RAI1: variants seen among roughly 807,000 people sequenced by gnomAD.
RAI1 encodes the protein retinoic acid-induced protein 1.
A neutral mutation model predicts 123.8 loss-of-function variants in RAI1; 9 were observed. That is an observed-to-expected ratio of 0.07 (90% CI 0.04 to 0.13). The LOEUF (loss-of-function observed/expected upper bound fraction) is 0.13, where lower values mean the gene tolerates loss of function less well. Among genes scored for constraint, RAI1 ranks in the 10% least tolerant of loss-of-function variants. The pLI, the probability that RAI1 is intolerant of heterozygous loss-of-function variation, is 1.00. For missense variants in RAI1, 2,256 were observed against 2,545.8 expected, an observed-to-expected ratio of 0.89 and a Z score of 2.45; for synonymous variants, 1,231 against 1,127.3, an observed-to-expected ratio of 1.09 and a Z score of -1.84.
chr17:17,742,838 G>A (rs1916689675), intron 2 of RAI1, among the ~76,000 whole-genome samples: 1 of 152,176 alleles, frequency 6.6e-6, no homozygotes, highest in Non-Finnish European at 1.5e-5. Context: ...CCTGTCCCCA[G>A]TGAGATCTGG....
chr17:17,682,949 G>A (rs1195103179), intron 1 of RAI1, among the ~76,000 whole-genome samples: 2 of 152,126 alleles, frequency 1.3e-5, no homozygotes, highest in African/African-American at 2.4e-5. Context: ...GAATGGCGGA[G>A]CCGGCCGGGC....
intron 2 of RAI1, among the ~76,000 whole-genome samples, chr17:17,750,282 T>C (rs1239411703): frequency 2.0e-5 from 3 of 152,374 alleles, no homozygotes; most frequent in Non-Finnish European, 2.9e-5. Flanking sequence ...TACCGAGTCC[T>C]TGTCACTATA....
rs2032464242 is a variant in RAI1, at chr17:17,801,617, C to G, written c.5566-2139C>G. 6.6e-6 allele frequency among the ~76,000 whole-genome samples: 1 copy of G among 152,204 alleles called. No individual in the cohort carries two copies. The highest frequency in any genetic ancestry group is 1.5e-5 in the Non-Finnish European group (1 of 68,036). On this transcript the variant is annotated intron_variant, in intron 3 of 5. Transcript: ENST00000353383. The surrounding 1 kb of genome is among the most constrained non-coding windows in gnomAD (Gnocchi z 4.1). ...GACTCCAGATCTCCAGGAGGCCATC[C>G]CAGACTAGGCGGGAAGGAGGCCTCA...
intron 2 of RAI1, chr17:17,777,205 G>A (rs944968229): frequency 6.6e-6 from 1 of 152,134 alleles, no homozygotes; most frequent in Admixed American, 6.5e-5. Flanking sequence ...ATTTGCATTT[G>A]GGTCCATATT....
rs1411981783 is a variant in RAI1 at position 17,797,309 on chromosome 17, G to T, written c.4361G>T (p.Gly1454Val). 1.9e-6 allele frequency: 3 copies of T among 1,612,596 alleles called. No individual in the cohort carries two copies. Among genetic ancestry groups the T allele is most frequent in the Non-Finnish European group, 2.5e-6 (3 of 1,179,918 alleles). Residue 1454 changes from glycine (G) to valine (V), a missense_variant, in exon 3 of 6, where the codon GGG (glycine) becomes GTG (valine). Gly to Val is a moderately radical substitution (Grantham distance 109). Transcript: ENST00000353383. ...AAGAGGAGCCGGAAAGGCCGGGCAGGGGCCCATGGACTCTCCAAAGGCCCG... is the reference window on the plus strand; with the variant it reads ...AAGAGGAGCCGGAAAGGCCGGGCAGTGGCCCATGGACTCTCCAAAGGCCCG... Reference protein sequence around the residue: ...PKKRSRKGRAGAHGLSKGPLE... With the variant: ...PKKRSRKGRAVAHGLSKGPLE...
intron 2 of RAI1, chr17:17,779,175 G>A (rs2031466977): frequency 2.9e-6 from 1 of 341,838 alleles, no homozygotes; most frequent in South Asian, 2.3e-5. Flanking sequence ...TTTCCGTGGT[G>A]AGGAAAGCCT....
chr17:17,742,537 C>G (rs1916676420), intron 2 of RAI1, among the ~76,000 whole-genome samples: 1 of 152,192 alleles, frequency 6.6e-6, no homozygotes, highest in Non-Finnish European at 1.5e-5. Context: ...CCCCACTCTC[C>G]CTAAGCTCTG....
intron 2 of RAI1, among the ~76,000 whole-genome samples, chr17:17,736,120 G>A (rs183025472): frequency 1.6e-3 from 236 of 152,228 alleles, no homozygotes; most frequent in Middle Eastern, 6.8e-3. Flanking sequence ...GAGGATGGGG[G>A]GACATTTCTG....
chr17:17,785,970 G>T (rs2031813415), intron 2 of RAI1, among the ~76,000 whole-genome samples: 1 of 152,240 alleles, frequency 6.6e-6, no homozygotes, highest in South Asian at 2.1e-4. Context: ...GTACTTGGTT[G>T]ATAATATTTT....
In RAI1 at chr17:17,804,029, G is replaced by A. The variant is rs2032546717; in HGVS notation, c.5659+180G>A. 4.1e-6 allele frequency: 3 copies of A among 731,458 alleles called. No homozygotes were observed. The South Asian group carries it at 4.5e-5, about 11-fold the overall frequency. The allele number at this position is 731,458 out of a possible 1,614,324, so 45.3% of individuals were successfully genotyped here. ...TAGACCTCTGCTGGGCAATGCCAGGGACATGGAAATGAGGCATTCCCCAGG... is the reference window on the plus strand; with the variant it reads ...TAGACCTCTGCTGGGCAATGCCAGGAACATGGAAATGAGGCATTCCCCAGG... On this transcript the variant is annotated intron_variant, in intron 4 of 5. Coordinates refer to ENST00000353383, the MANE Select transcript of RAI1 (RefSeq NM_030665.4).
chr17:17,773,814 C>G (rs1243389681), intron 2 of RAI1, among the ~76,000 whole-genome samples: 1 of 152,182 alleles, frequency 6.6e-6, no homozygotes, highest in Non-Finnish European at 1.5e-5. Context: ...GCCAAAGCTA[C>G]CTCTGGAAAC....
chr17:17,730,393 C>T (rs1282261428), intron 2 of RAI1, among the ~76,000 whole-genome samples: 1 of 152,266 alleles, frequency 6.6e-6, no homozygotes, highest in Admixed American at 6.5e-5. Context: ...GCAGGCAGTG[C>T]TGATGGGGTT....
chr17:17,795,598 A>G lies in RAI1; in HGVS notation c.2650A>G (p.Arg884Gly). The stretch of plus-strand genomic sequence containing the variant: ...TGAGCTCCTGGGCAGCCCCGAGCAG[A>G]GGCCTGGCATGCAGGACCCGCTGTC... ...LCELLGSPEQRPGMQDPLSPK... is the reference protein window; with the variant it reads ...LCELLGSPEQGPGMQDPLSPK... The change falls in exon 3 of 6, where the codon AGG becomes GGG. Residue 884 changes from arginine to glycine, a missense_variant. This residue lies in a region of RAI1 where 566 missense variants were observed against 616.0 expected (regional missense o/e 0.92). Transcript: ENST00000353383. The surrounding 1 kb of genome is among the most constrained non-coding windows in gnomAD (Gnocchi z 5.9). The G allele has an allele frequency of 6.2e-7, 1 of 1,613,016 alleles. No individual in the cohort carries two copies. Among genetic ancestry groups the G allele is most frequent in the Non-Finnish European group, 8.5e-7 (1 of 1,179,748 alleles).
At chr17:17,684,791 CG>C (rs1567817877) in intron 1 of RAI1, 1 of 151,348 alleles carries the variant, frequency 6.6e-6, no homozygotes, top group African/African-American at 2.4e-5. Flanking sequence ...GGCTCTTCCT[CG>C]GCAGCTTCCT....
intron 2 of RAI1, among the ~76,000 whole-genome samples, chr17:17,757,520 C>T (rs565809328): frequency 1.2e-4 from 19 of 152,324 alleles, no homozygotes; most frequent in Non-Finnish European, 2.2e-4. Flanking sequence ...CCTTCCCCCT[C>T]GGGCACTGCG....
intron 1 of RAI1, among the ~76,000 whole-genome samples, chr17:17,696,488 A>G (rs189261613): frequency 1.3e-5 from 2 of 152,192 alleles, no homozygotes; most frequent in East Asian, 1.9e-4. Flanking sequence ...ATAGCAGTTG[A>G]TATTCCGCTT....
intron 4 of RAI1, 51 bp downstream of exon 4, chr17:17,803,900 C>T (rs1053627942): frequency 2.6e-6 from 4 of 1,545,066 alleles, no homozygotes; most frequent in East Asian, 2.2e-5. Flanking sequence ...CCAAGCAGTC[C>T]AGGGGGACCC....
At chr17:17,724,678 A>G (rs1323096680) in intron 2 of RAI1, among the ~76,000 whole-genome samples, 1 of 152,074 alleles carries the variant, frequency 6.6e-6, no homozygotes, top group African/African-American at 2.4e-5. Flanking sequence ...GCTCCGGGCA[A>G]CCGATGGGAA....
intron 2 of RAI1, among the ~76,000 whole-genome samples, chr17:17,753,209 G>C: frequency 6.6e-6 from 1 of 152,240 alleles, no homozygotes; most frequent in African/African-American, 2.4e-5. Context: ...GCCTCAGGAG[G>C]AAGGCAGGGT....
Sources: allele counts gnomAD v4.1 joint callset (sites outside exome capture counted in the v4.1 genomes callset), GRCh38; gene constraint gnomAD v4.1.1; regional missense constraint gnomAD v4.1.1; non-coding constraint Gnocchi (gnomAD v3.1); transcripts MANE v1.5; gene names NCBI Gene and HGNC (gene_info 2026-07-23, HGNC 2026-07-21).